Variants in SRPK2 observed in about 807,000 individuals in gnomAD.
SRPK2 encodes the protein SFRS protein kinase 2.
A neutral mutation model predicts 90.8 loss-of-function variants in SRPK2; 21 were observed. The ratio of observed to expected loss-of-function variants is 0.23; its 90% CI spans 0.16 to 0.33. SRPK2 has a LOEUF of 0.33. Among genes scored for constraint, SRPK2 ranks in the 10% least tolerant of loss-of-function variants. SRPK2 has a pLI of 1.00. For synonymous variants in SRPK2, 288 were observed against 311.1 expected (o/e 0.93, Z 0.78); for missense variants, 620 against 869.0 (o/e 0.71, Z 3.60).
intron 2 of SRPK2, among the ~76,000 whole-genome samples, chr7:105,319,979 C>T (rs1334548278): frequency 2.6e-5 from 4 of 151,794 alleles, no homozygotes; most frequent in African/African-American, 9.7e-5. Flanking sequence ...CAATTAAACT[C>T]CTTTAAATTT....
At chr7:105,341,629 A>G (rs896535987) in intron 2 of SRPK2, among the ~76,000 whole-genome samples, 1 of 152,144 alleles carries the variant, frequency 6.6e-6, no homozygotes, top group Non-Finnish European at 1.5e-5. Context: ...CCAAGATGGC[A>G]TCACTGCATT....
chr7:105,233,575 G>A (rs1585282035), intron 2 of SRPK2, among the ~76,000 whole-genome samples: 1 of 152,140 alleles, frequency 6.6e-6, no homozygotes, highest in Admixed American at 6.5e-5. Flanking sequence ...AATACGGGCT[G>A]GGCGCAGTGG....
At chr7:105,303,574 T>A (rs1585625436) in intron 2 of SRPK2, among the ~76,000 whole-genome samples, 1 of 152,158 alleles carries the variant, frequency 6.6e-6, no homozygotes, top group East Asian at 1.9e-4. Flanking sequence ...CATATTCTTA[T>A]ATGAAAATTA....
At position 105,170,885 on chromosome 7, in the gene SRPK2, A is replaced by G. The variant is rs1205329012; in HGVS notation, c.230-1620T>C. Among the ~76,000 whole-genome samples the G allele has an allele frequency of 9.3e-4, 120 of 129,532 alleles. 2 individuals are homozygous for G. Among genetic ancestry groups the G allele is most frequent in the Middle Eastern group, 7.5e-3 (2 of 268 alleles). The allele number at this position is 129,532 out of a possible 152,430, so 85.0% of individuals were successfully genotyped here. On this transcript the variant is annotated intron_variant, in intron 3 of 15. Transcript: ENST00000393651. Reference sequence around the variant, plus strand: ...AAAGAAAGAAAGAAAGAAAGAAAGAAAGAAAGAAAGAAAGAAAGAAAGAAA... The same window carrying G: ...AAAGAAAGAAAGAAAGAAAGAAAGAGAGAAAGAAAGAAAGAAAGAAAGAAA...
intron 2 of SRPK2, among the ~76,000 whole-genome samples, chr7:105,285,934 C>G (rs1430099335): frequency 1.1e-4 from 17 of 152,194 alleles, no homozygotes; most frequent in Admixed American, 1.1e-3. Context: ...ACAGAAACAA[C>G]AAGCATTTTA....
At chr7:105,124,757 A>G (rs181957049) in intron 15 of SRPK2, among the ~76,000 whole-genome samples, 188 of 152,190 alleles carry the variant, frequency 1.2e-3, no homozygotes, top group African/African-American at 4.3e-3. Flanking sequence ...ATCAACTTTA[A>G]AAGTTCTTTA....
upstream of SRPK2, among the ~76,000 whole-genome samples, chr7:105,392,595 C>A (rs888709146): frequency 6.6e-6 from 1 of 152,080 alleles, no homozygotes; most frequent in Non-Finnish European, 1.5e-5. Flanking sequence ...CTCACTGTAA[C>A]CTCCACTTCC....
chr7:105,398,321 A>G (rs1206333410), intron 1 of SRPK2, among the ~76,000 whole-genome samples: 2 of 152,118 alleles, frequency 1.3e-5, no homozygotes, highest in Non-Finnish European at 2.9e-5. Flanking sequence ...ATAGAATTGG[A>G]AAAAGACGGG....
intron 2 of SRPK2, among the ~76,000 whole-genome samples, chr7:105,351,064 G>A (rs912795479): frequency 6.6e-6 from 1 of 152,140 alleles, no homozygotes; most frequent in Admixed American, 6.6e-5. Flanking sequence ...TCTTTAAGAG[G>A]TGACTGTGTC....
At chr7:105,131,965 C>A (rs1433320589) in intron 13 of SRPK2, among the ~76,000 whole-genome samples, 1 of 152,078 alleles carries the variant, frequency 6.6e-6, no homozygotes, top group African/African-American at 2.4e-5. Context: ...GGAAGAGAAC[C>A]AGGAACTGGC....
At chr7:105,137,485 GT>G in intron 11 of SRPK2, among the ~76,000 whole-genome samples, 1 of 126,996 alleles carries the variant, frequency 7.9e-6, no homozygotes, top group Non-Finnish European at 1.6e-5. Flanking sequence ...CGGAGGCTGT[GT>G]TAACAGTAGC....
At chr7:105,280,984 A>C (rs980570448) in intron 2 of SRPK2, among the ~76,000 whole-genome samples, 14 of 130,862 alleles carry the variant, frequency 1.1e-4, no homozygotes, top group African/African-American at 3.3e-4. Context: ...AAAAAAAAAA[A>C]ACCTTGTTTA....
chr7:105,133,289 C>T (rs1483659045), intron 11 of SRPK2, among the ~76,000 whole-genome samples, 185 bp from the exon 12 acceptor site: 2 of 152,142 alleles, frequency 1.3e-5, no homozygotes, highest in Non-Finnish European at 2.9e-5. Context: ...GAAAATACTC[C>T]AGAAAAGAGC....
chr7:105,122,078 C>T (rs1295319212), intron 15 of SRPK2, among the ~76,000 whole-genome samples: 1 of 152,156 alleles, frequency 6.6e-6, no homozygotes, highest in East Asian at 1.9e-4. Flanking sequence ...AATTCTTACA[C>T]AAGTAGACAA....
At chr7:105,170,851 GAAA>G (rs1790787296) in intron 3 of SRPK2, among the ~76,000 whole-genome samples, 15 of 22,136 alleles carry the variant, frequency 6.8e-4, no homozygotes, top group African/African-American at 1.6e-3. Flanking sequence ...AAGAAAGAAA[GAAA>G]GAAAGAAAGA....
intron 15 of SRPK2, among the ~76,000 whole-genome samples, chr7:105,119,203 TAAAC>T (rs1299923333): frequency 6.6e-6 from 1 of 151,988 alleles, no homozygotes; most frequent in African/African-American, 2.4e-5. Context: ...TGCTTTAATT[TAAAC>T]AAGGTACATT....
At position 105,143,274 on chromosome 7, in the gene SRPK2, C is replaced by T; in HGVS notation, c.870G>A (p.Gln290=). 6.2e-7 allele frequency: 1 copy of T among 1,613,964 alleles called. No homozygotes were observed. The highest frequency in any genetic ancestry group is 8.5e-7 in the Non-Finnish European group (1 of 1,179,996). The change falls in exon 10 of 16, where the codon CAG becomes CAA. Residue 290 remains glutamine (Q), a synonymous_variant. Transcript: ENST00000393651. ...KKKLKKKQKR[Q]AELLEKRLQE... ...GCAGGCGCTTCTCCAATAACTCAGC[C>T]TGCCTCTTCTGTTTCTTTTTCAGTT...
chr7:105,299,372 C>T (rs553485498), intron 2 of SRPK2, among the ~76,000 whole-genome samples: 32 of 152,264 alleles, frequency 2.1e-4, no homozygotes, highest in African/African-American at 6.7e-4. Flanking sequence ...AGGCTTCTTT[C>T]GGATATCCTT....
intron 2 of SRPK2, among the ~76,000 whole-genome samples, chr7:105,310,614 GC>G (rs1050627109): frequency 2.0e-5 from 3 of 151,676 alleles, no homozygotes; most frequent in Admixed American, 6.6e-5. Flanking sequence ...CTGCACTCCA[GC>G]CCGGGTTAAC....
Sources: allele counts gnomAD v4.1 joint callset (sites outside exome capture counted in the v4.1 genomes callset), GRCh38; gene constraint gnomAD v4.1.1; transcripts MANE v1.5; gene names NCBI Gene and HGNC (gene_info 2026-07-23, HGNC 2026-07-21).